ADAM22: variants seen among roughly 807,000 people sequenced by gnomAD.
ADAM22 encodes ADAM metallopeptidase domain 22, also known as disintegrin and metalloproteinase domain-containing protein 22.
Under a neutral mutation model 144.6 loss-of-function variants are expected in ADAM22, and 65 were observed. The ratio of observed to expected loss-of-function variants is 0.45; its 90% CI spans 0.37 to 0.55. ADAM22 has a LOEUF of 0.55. Among genes scored for constraint, ADAM22 ranks in the 20% least tolerant of loss-of-function variants. ADAM22 has a pLI of 0.00. For synonymous variants in ADAM22, 391 were observed against 412.6 expected, an observed-to-expected ratio of 0.95 and a Z score of 0.63; for missense variants, 974 against 1,184.9, an observed-to-expected ratio of 0.82 and a Z score of 2.61.
chr7:87,973,190 T>C (rs372748616), intron 2 of ADAM22, among the ~76,000 whole-genome samples: 4 of 152,086 alleles, frequency 2.6e-5, no homozygotes, highest in African/African-American at 7.2e-5. Flanking sequence ...GCAACCTACT[T>C]ATCTGACAAA....
At chr7:88,012,038 C>CTTTTTTTTTTTTTTTTT (rs35274305) in intron 3 of ADAM22, among the ~76,000 whole-genome samples, 1 of 137,884 alleles carries the variant, frequency 7.3e-6, no homozygotes, top group African/African-American at 2.7e-5. Flanking sequence ...GTTTTTTTTT[C>CTTTTTTTTTTTTTTTTT]TTTTTTTTTT....
intron 3 of ADAM22, among the ~76,000 whole-genome samples, chr7:88,074,580 G>A (rs1350614084): frequency 1.3e-5 from 2 of 152,182 alleles, no homozygotes; most frequent in African/African-American, 4.8e-5. Context: ...TCTACAGCTT[G>A]CAGCTGAGAG....
intron 4 of ADAM22, among the ~76,000 whole-genome samples, chr7:88,088,615 A>G (rs967466782): frequency 6.6e-6 from 1 of 152,116 alleles, no homozygotes; most frequent in Non-Finnish European, 1.5e-5. Context: ...TAACTTTATA[A>G]TTCCTGTGAA....
In ADAM22 at chr7:88,184,398, C is replaced by G. The variant is rs868401774; in HGVS notation, c.2664-2217C>G. 1.9e-5 allele frequency: 8 copies of G among 426,204 alleles called. No homozygotes were observed. In the Middle Eastern group the frequency reaches 2.7e-3, roughly 144 times the overall value. The allele number at this position is 426,204 out of a possible 1,614,324, so 26.4% of individuals were successfully genotyped here. On this transcript the variant is annotated intron_variant, in intron 29 of 31. Transcript: ENST00000413139. Reference sequence around the variant, plus strand: ...CAGCCCCCAGACAGGGAGTCTGGATCACAGGTCAGTCTCCACCTGCCCCTT... The same window carrying G: ...CAGCCCCCAGACAGGGAGTCTGGATGACAGGTCAGTCTCCACCTGCCCCTT...
intron 5 of ADAM22, among the ~76,000 whole-genome samples, chr7:88,113,460 T>G (rs1826603277): frequency 6.6e-6 from 1 of 150,846 alleles, no homozygotes; most frequent in Non-Finnish European, 1.5e-5. Context: ...GCATGATCAT[T>G]ATAAAACTTA....
In ADAM22 at chr7:88,107,640, C is replaced by G. The variant is rs543327816; in HGVS notation, c.391-536C>G. ...CACTCTTTTTGTCCAGGCTGGAGTG[C>G]AGTAGCACAATCACAGCTCACTGCA... On this transcript the variant is annotated intron_variant, in intron 4 of 31. Transcript: ENST00000413139. Among the ~76,000 whole-genome samples, 51 of 152,194 alleles carry G rather than the reference C, an allele frequency of 3.4e-4. 1 individual carries two copies. The highest frequency in any genetic ancestry group is 1.1e-3 in the African/African-American group (47 of 41,534).
intron 3 of ADAM22, among the ~76,000 whole-genome samples, chr7:87,991,629 G>A (rs1789915179): frequency 6.6e-6 from 1 of 151,430 alleles, no homozygotes; most frequent in Admixed American, 6.6e-5. Flanking sequence ...GCCTCCCAAA[G>A]TGCTGGGATT....
intron 2 of ADAM22, among the ~76,000 whole-genome samples, chr7:87,969,993 A>G (rs1481429352): frequency 1.3e-5 from 2 of 152,216 alleles, no homozygotes; most frequent in Non-Finnish European, 2.9e-5. Context: ...TATCATACCA[A>G]TTTACATATA....
At chr7:88,113,382 T>C (rs981713309) in intron 5 of ADAM22, among the ~76,000 whole-genome samples, 8 of 151,648 alleles carry the variant, frequency 5.3e-5, no homozygotes, top group Non-Finnish European at 8.8e-5. Context: ...TTCTTTCGCC[T>C]GGATTATTGC....
chr7:87,999,663 A>C (rs1792067890), intron 3 of ADAM22, among the ~76,000 whole-genome samples: 1 of 152,202 alleles, frequency 6.6e-6, no homozygotes, highest in Admixed American at 6.5e-5. Context: ...GAAACTTACG[A>C]TGCTTATTCT....
At chr7:87,991,017 T>A (rs141544829) in intron 3 of ADAM22, among the ~76,000 whole-genome samples, 59 of 152,330 alleles carry the variant, frequency 3.9e-4, no homozygotes, top group African/African-American at 1.4e-3. Flanking sequence ...GATTTTTATT[T>A]ATGTGATATT....
intron 3 of ADAM22, among the ~76,000 whole-genome samples, chr7:88,018,948 A>G (rs924766851): frequency 6.6e-6 from 1 of 152,176 alleles, no homozygotes; most frequent in African/African-American, 2.4e-5. Flanking sequence ...TAGATAGCTT[A>G]TGAGCTCTAT....
intron 3 of ADAM22, among the ~76,000 whole-genome samples, chr7:88,010,141 A>G (rs1438791898): frequency 2.6e-5 from 4 of 151,970 alleles, no homozygotes; most frequent in Non-Finnish European, 4.4e-5. Flanking sequence ...TGGTGAGCCT[A>G]CTTCTGGCTA....
At chr7:87,993,897 C>T (rs1319364928) in intron 3 of ADAM22, among the ~76,000 whole-genome samples, 1 of 152,168 alleles carries the variant, frequency 6.6e-6, no homozygotes, top group Non-Finnish European at 1.5e-5. Context: ...ACTAGCCCTA[C>T]TCAAAGAGTT....
chr7:88,087,729 C>A (rs1021420538), intron 4 of ADAM22, among the ~76,000 whole-genome samples: 1 of 152,078 alleles, frequency 6.6e-6, no homozygotes, highest in Admixed American at 6.6e-5. Flanking sequence ...AAAAAGTAAT[C>A]ATCAGTGAAT....
At chr7:88,185,154 A>G (rs1014233044) in intron 29 of ADAM22, among the ~76,000 whole-genome samples, 2 of 152,190 alleles carry the variant, frequency 1.3e-5, no homozygotes, top group Non-Finnish European at 2.9e-5. Context: ...TTAATTGGCT[A>G]TCTGTGAAAG....
At chr7:88,112,052 A>G (rs1353986389) in intron 5 of ADAM22, among the ~76,000 whole-genome samples, 4 of 152,214 alleles carry the variant, frequency 2.6e-5, no homozygotes, top group African/African-American at 9.7e-5. Context: ...TGATGGTTTC[A>G]TATGACTTTC....
rs17840505 is a variant in ADAM22 at position 88,169,399 on chromosome 7, A to G, written c.2282+1172A>G. On this transcript the variant is annotated intron_variant, in intron 25 of 31. Transcript: ENST00000413139. ...TTAAATGAGCATCTAGCCCTGTACC[A>G]TGTAGTCTTCCACAAATTCTTGTAT... 8.5e-3 allele frequency among the ~76,000 whole-genome samples: 1,294 copies of G among 152,228 alleles called. 21 individuals carry two copies. Among genetic ancestry groups the G allele is most frequent in the African/African-American group, 0.029 (1,218 of 41,566 alleles).
intron 2 of ADAM22, among the ~76,000 whole-genome samples, chr7:87,956,074 G>A (rs144607789): frequency 7.6e-4 from 116 of 152,230 alleles, no homozygotes; most frequent in African/African-American, 2.1e-3. Flanking sequence ...GACCCCTTGC[G>A]CTTCCCGAGT....
Sources: gnomAD v4.1 joint callset for allele counts (sites outside exome capture counted in the v4.1 genomes callset) on GRCh38, gnomAD v4.1.1 for gene constraint, MANE v1.5 for transcripts, NCBI Gene and HGNC (gene_info 2026-07-23, HGNC 2026-07-21) for gene names.